The following MCC variants were observed in gnomAD, a reference collection of about 807,000 sequenced individuals.
MCC encodes colorectal mutant cancer protein.
In MCC, 90 loss-of-function variants were observed where a neutral mutation model predicts 116.2. That is an observed-to-expected ratio of 0.77 (90% CI 0.65 to 0.92). The LOEUF (loss-of-function observed/expected upper bound fraction) is 0.92. Ranked by LOEUF, MCC falls within the 40% of genes least tolerant of loss-of-function variation. MCC has a pLI of 0.00. For missense variants in MCC, 1,516 were observed against 1,312.2 expected (o/e 1.16, Z -2.40); for synonymous variants, 578 against 510.5 (o/e 1.13, Z -1.78).
intron 1 of MCC, among the ~76,000 whole-genome samples, chr5:113,462,615 CCAGT>C (rs1208948415): frequency 3.3e-5 from 5 of 152,142 alleles, no homozygotes. Flanking sequence ...AATTTGTTCT[CCAGT>C]AACTCCAGAA....
rs1772612373 is a variant in MCC at position 113,488,351 on chromosome 5, T to TGCCGCCGCCGCCGCTGCCGCTGCC, written c.63_64insGGCAGCGGCAGCGGCGGCGGCGGC (p.Gly21_Ser22insGlySerGlySerGlyGlyGlyGly). 2.1e-6 allele frequency: 3 copies of TGCCGCCGCCGCCGCTGCCGCTGCC among 1,455,598 alleles called. No individual in the cohort carries two copies. Among genetic ancestry groups the TGCCGCCGCCGCCGCTGCCGCTGCC allele is most frequent in the Non-Finnish European group, 2.7e-6 (3 of 1,097,860 alleles). The allele number at this position is 1,455,598 out of a possible 1,614,324, so 90.2% of individuals were successfully genotyped here. ...TCGCTGCTGCTGCTGCTGCTGCCGC[T>TGCCGCCGCCGCCGCTGCCGCTGCC]GCCGCCGCCGCCGCCGCCGCTGCTG... is the stretch of plus-strand genomic sequence containing the variant. On this transcript the variant is annotated inframe_insertion, in exon 1 of 19. Coordinates refer to ENST00000408903, the MANE Select transcript of MCC (RefSeq NM_001085377.2).
intron 3 of MCC, among the ~76,000 whole-genome samples, chr5:113,243,114 T>C (rs1029587037): frequency 6.6e-6 from 1 of 152,216 alleles, no homozygotes; most frequent in African/African-American, 2.4e-5. Flanking sequence ...AATCAACATT[T>C]TTAGCTTTTT....
chr5:113,057,816 C>A (rs1036117403), intron 14 of MCC, among the ~76,000 whole-genome samples: 6 of 152,252 alleles, frequency 3.9e-5, no homozygotes, highest in Non-Finnish European at 7.3e-5. Flanking sequence ...CACAGGCGAA[C>A]GCGCGACAAA....
intron 5 of MCC, among the ~76,000 whole-genome samples, chr5:113,129,084 T>A (rs1419129232): frequency 6.6e-6 from 1 of 152,132 alleles, no homozygotes; most frequent in Non-Finnish European, 1.5e-5. Context: ...GAGGGGGCAT[T>A]TTGTAGCAGA....
chr5:113,145,494 T>A (rs1759439930), intron 4 of MCC, among the ~76,000 whole-genome samples: 1 of 152,036 alleles, frequency 6.6e-6, no homozygotes, highest in South Asian at 2.1e-4. Context: ...TCCTTACAGG[T>A]CAACAGGCCA....
At chr5:113,198,983 C>A (rs992489750) in intron 3 of MCC, among the ~76,000 whole-genome samples, 15 of 151,892 alleles carry the variant, frequency 9.9e-5, no homozygotes, top group African/African-American at 3.6e-4. Flanking sequence ...GGCGGATCAC[C>A]TGGGTAAAAC....
intron 2 of MCC, among the ~76,000 whole-genome samples, chr5:113,356,362 T>C (rs2150383725): frequency 6.7e-6 from 1 of 148,562 alleles, no homozygotes; most frequent in East Asian, 1.9e-4. Context: ...GCAAAATATA[T>C]ATTCTAATAG....
chr5:113,109,505 G>T (rs1339302115), intron 6 of MCC, among the ~76,000 whole-genome samples: 1 of 152,106 alleles, frequency 6.6e-6, no homozygotes, highest in African/African-American at 2.4e-5. Flanking sequence ...TGCGAGAATA[G>T]GGAGTTATTG....
At chr5:113,442,497 G>A (rs1187676594) in intron 1 of MCC, among the ~76,000 whole-genome samples, 2 of 152,146 alleles carry the variant, frequency 1.3e-5, no homozygotes, top group African/African-American at 4.8e-5. Flanking sequence ...AAGCTCTTTA[G>A]TTTAATTAGA....
At chr5:113,343,534 G>T (rs982911878) in intron 2 of MCC, among the ~76,000 whole-genome samples, 14 of 152,194 alleles carry the variant, frequency 9.2e-5, no homozygotes, top group African/African-American at 3.4e-4. Context: ...AGAGGTCAGC[G>T]TTGAAAAGTG....
At chr5:113,185,200 A>T (rs1358893321) in intron 3 of MCC, among the ~76,000 whole-genome samples, 1 of 152,162 alleles carries the variant, frequency 6.6e-6, no homozygotes, top group African/African-American at 2.4e-5. Context: ...TGTCTCTAAC[A>T]TGAGGTCCCA....
intron 2 of MCC, among the ~76,000 whole-genome samples, chr5:113,374,543 C>T (rs754568003): frequency 1.3e-5 from 2 of 152,064 alleles, no homozygotes; most frequent in African/African-American, 2.4e-5. Flanking sequence ...GACTTACGCC[C>T]GAGCCAGAGA....
At chr5:113,165,930 AT>A (rs527953594) in intron 3 of MCC, among the ~76,000 whole-genome samples, 228 of 125,576 alleles carry the variant, frequency 1.8e-3, no homozygotes, top group African/African-American at 6.8e-3. Context: ...ACATACATTC[AT>A]TTGCAAGCTA....
chr5:113,413,568 T>C (rs1316182074), intron 1 of MCC, among the ~76,000 whole-genome samples: 3 of 152,248 alleles, frequency 2.0e-5, no homozygotes, highest in Non-Finnish European at 2.9e-5. Flanking sequence ...TAGAGGTGTT[T>C]ATAGTATTCT....
At chr5:113,433,263 C>T in intron 1 of MCC, 1 of 201,288 alleles carries the variant, frequency 5.0e-6, no homozygotes, top group Non-Finnish European at 1.0e-5. Flanking sequence ...CGTCCCCGTC[C>T]AGCCCCACCC....
In MCC at chr5:113,347,808, A is replaced by C. The variant is rs547970192; in HGVS notation, c.416-7078T>G. On this transcript the variant is annotated intron_variant, in intron 2 of 18. Coordinates refer to ENST00000408903, the MANE Select transcript of MCC (RefSeq NM_001085377.2). Reference sequence around the variant, plus strand: ...CTAAATGGATAAAAAAGCAAGACCAAATGACCAAATGACCTGTTGCCTACA... The same window carrying C: ...CTAAATGGATAAAAAAGCAAGACCACATGACCAAATGACCTGTTGCCTACA... 3.3e-5 allele frequency among the ~76,000 whole-genome samples: 5 copies of C among 151,612 alleles called. No homozygotes were observed. In the South Asian group the frequency reaches 1.0e-3, roughly 31 times the overall value.
chr5:113,340,847 CAT>C, intron 2 of MCC, 117 bp from the exon 3 acceptor site: 1 of 747,776 alleles, frequency 1.3e-6, no homozygotes, highest in East Asian at 2.7e-5. Context: ...TCTCAGAACA[CAT>C]GTGATGCCCA....
chr5:113,415,264 G>T (rs941122727), intron 1 of MCC, among the ~76,000 whole-genome samples: 7 of 152,128 alleles, frequency 4.6e-5, no homozygotes, highest in African/African-American at 1.7e-4. Flanking sequence ...CTTTTCTCGA[G>T]GAGTATCTTT....
At chr5:113,130,643 C>A (rs1758367547) in intron 5 of MCC, among the ~76,000 whole-genome samples, 1 of 152,094 alleles carries the variant, frequency 6.6e-6, no homozygotes, top group South Asian at 2.1e-4. Context: ...TATTGCCCTT[C>A]CTTGTGGGTG....
Sources: gnomAD v4.1 joint callset for allele counts (sites outside exome capture counted in the v4.1 genomes callset) on GRCh38, gnomAD v4.1.1 for gene constraint, MANE v1.5 for transcripts, NCBI Gene and HGNC (gene_info 2026-07-23, HGNC 2026-07-21) for gene names.